The following CYP46A1 variants were observed in gnomAD, a reference collection of about 807,000 sequenced individuals.
CYP46A1 encodes the protein cholesterol 24-hydroxylase.
CYP46A1 carries 20 observed loss-of-function variants against 63.3 expected under a neutral mutation model. The observed-to-expected ratio is 0.32, with a 90% CI of 0.22 to 0.46. The LOEUF is 0.46. Ranked by LOEUF, CYP46A1 falls within the 20% of genes least tolerant of loss-of-function variation. CYP46A1 has a pLI of 1.00. For missense variants in CYP46A1, 445 were observed against 670.8 expected (o/e 0.66, Z 3.72); for synonymous variants, 268 against 273.6 (o/e 0.98, Z 0.20).
At chr14:99,707,481 G>A in intron 6 of CYP46A1, 87 bp from the exon 7 acceptor site, 3 of 1,007,078 alleles carry the variant, frequency 3.0e-6, no homozygotes, top group Non-Finnish European at 4.6e-6. Context: ...CAGAGTCCAG[G>A]TGTCTAGCAG....
In CYP46A1 at chr14:99,715,720, T is replaced by G. The variant is rs569700647; in HGVS notation, c.694-90T>G. The G allele has an allele frequency of 1.7e-5, 26 of 1,562,466 alleles. No individual in the cohort carries two copies. The East Asian group carries it at 5.6e-4, about 34-fold the overall frequency. ...TTCTACTGACCTCCCAGCTTGCCAGTGCCGCTAACGTCATTTCGGGGTGGT... is the reference window on the plus strand; with the variant it reads ...TTCTACTGACCTCCCAGCTTGCCAGGGCCGCTAACGTCATTTCGGGGTGGT... On this transcript the variant is annotated intron_variant, in intron 7 of 14. Coordinates refer to ENST00000261835, the MANE Select transcript of CYP46A1 (RefSeq NM_006668.2).
chr14:99,694,627 C>A (rs934133114), intron 3 of CYP46A1, among the ~76,000 whole-genome samples: 2 of 151,708 alleles, frequency 1.3e-5, no homozygotes, highest in African/African-American at 4.8e-5. Context: ...AGTCTCCCGA[C>A]TAGCTGGGAT....
intron 1 of CYP46A1, 63 bp from the exon 2 acceptor site, chr14:99,691,017 GT>G (rs2056538691): frequency 1.3e-6 from 2 of 1,502,372 alleles, no homozygotes; most frequent in Non-Finnish European, 1.9e-6. Context: ...ATAAGATCTT[GT>G]GGGGAAGGGA....
chr14:99,688,764 C>T (rs1382433528), intron 1 of CYP46A1, among the ~76,000 whole-genome samples: 1 of 152,182 alleles, frequency 6.6e-6, no homozygotes, highest in African/African-American at 2.4e-5. Flanking sequence ...CTCTGGTTCT[C>T]TCTGCCCCAT....
intron 5 of CYP46A1, among the ~76,000 whole-genome samples, chr14:99,701,393 A>G (rs536805311): frequency 6.6e-6 from 1 of 152,214 alleles, no homozygotes; most frequent in African/African-American, 2.4e-5. Context: ...TTTAGACTGT[A>G]TTTTTACTGT....
chr14:99,713,664 A>AG (rs1391174013), intron 7 of CYP46A1, among the ~76,000 whole-genome samples: 3 of 152,078 alleles, frequency 2.0e-5, no homozygotes, highest in Non-Finnish European at 4.4e-5. Flanking sequence ...AGATCACTTG[A>AG]GGGCAGGAGT....
intron 10 of CYP46A1, among the ~76,000 whole-genome samples, chr14:99,719,065 T>C (rs2056819581): frequency 6.6e-6 from 1 of 152,114 alleles, no homozygotes; most frequent in South Asian, 2.1e-4. Context: ...TATCACAGCA[T>C]TGCCTACCTC....
In CYP46A1 at chr14:99,725,658, A is replaced by C. The variant is rs1463709186; in HGVS notation, c.1265+179A>C. On this transcript the variant is annotated intron_variant, in intron 13 of 14. Coordinates refer to ENST00000261835, the MANE Select transcript of CYP46A1 (RefSeq NM_006668.2). This position sits in a 1 kb window ranked among gnomAD's most constrained non-coding sequence, Gnocchi z 4.2. ...AAGTAACTTGCCCAAGTGGCAGAGCAGGGGTCTGGCCCCAGCTCAGTCTGG... is the reference window on the plus strand; with the variant it reads ...AAGTAACTTGCCCAAGTGGCAGAGCCGGGGTCTGGCCCCAGCTCAGTCTGG... Among the ~76,000 whole-genome samples, 5 of 152,196 alleles carry C rather than the reference A, an allele frequency of 3.3e-5. No individual in the cohort carries two copies. The highest frequency in any genetic ancestry group is 1.2e-4 in the African/African-American group (5 of 41,464).
At position 99,691,843 on chromosome 14, in the gene CYP46A1, G is replaced by A. The variant is rs1470996250; in HGVS notation, c.264G>A (p.Thr88=). The part of the protein sequence containing the change: ...NVFHKTSVIV[T]SPESVKKFLM... Reference sequence around the variant, plus strand: ...TCCACAAAACCTCAGTCATCGTCACGAGTCCTGAGTCGGTTAAGGTAGGAG... The same window carrying A: ...TCCACAAAACCTCAGTCATCGTCACAAGTCCTGAGTCGGTTAAGGTAGGAG... The change falls in exon 3 of 15, where the codon ACG becomes ACA. Residue 88 remains threonine, a synonymous_variant. Transcript: ENST00000261835. 40 of 1,614,080 alleles carry A rather than the reference G, an allele frequency of 2.5e-5. No individual in the cohort carries two copies. The highest frequency in any genetic ancestry group is 3.3e-5 in the Non-Finnish European group (39 of 1,180,044).
At chr14:99,684,579 TG>T (rs2140107602) in intron 1 of CYP46A1, 43 bp downstream of exon 1, 5 of 1,389,052 alleles carry the variant, frequency 3.6e-6, no homozygotes, top group Middle Eastern at 2.6e-4. Flanking sequence ...GTGCTGGGAC[TG>T]GGGGCCTGGG....
rs1246762185 is a variant in CYP46A1 at position 99,699,528 on chromosome 14, G to T, written c.345G>T (p.Val115=). The T allele has an allele frequency of 6.2e-7, 1 of 1,614,044 alleles. No individual in the cohort carries two copies. The highest frequency in any genetic ancestry group is 1.3e-5 in the African/African-American group (1 of 74,912). The stretch of plus-strand genomic sequence containing the variant: ...AGATGTACCGTGCGCTCCAGACTGT[G>T]TTTGGTGAGAGGTAAGGAGGTATGG... The part of the protein sequence containing the change: ...DSKMYRALQT[V]FGERLFGQGL... The change falls in exon 4 of 15, where the codon GTG becomes GTT. Residue 115 remains valine (V), a synonymous_variant. Coordinates refer to ENST00000261835, the MANE Select transcript of CYP46A1 (RefSeq NM_006668.2).
rs1222841621 is a variant in CYP46A1 at position 99,716,208 on chromosome 14, C to A, written c.907+9C>A. 1 of 1,614,180 alleles carries A rather than the reference C, an allele frequency of 6.2e-7. No individual in the cohort carries two copies. The highest frequency in any genetic ancestry group is 8.5e-7 in the Non-Finnish European group (1 of 1,179,986). On this transcript the variant is annotated intron_variant, in intron 9 of 14. Coordinates refer to ENST00000261835, the MANE Select transcript of CYP46A1 (RefSeq NM_006668.2). ...CACCTTCTTCATTGCTGGTTTGTAG[C>A]TTTGGCGGTGGCCAAGGGCCCGGAG...
intron 1 of CYP46A1, among the ~76,000 whole-genome samples, chr14:99,685,166 C>T (rs1318099075): frequency 6.7e-6 from 1 of 148,572 alleles, no homozygotes; most frequent in African/African-American, 2.5e-5. Flanking sequence ...CTTCCCATCA[C>T]TTGACAACTA....
chr14:99,695,359 C>A, intron 3 of CYP46A1: 1 of 356,316 alleles, frequency 2.8e-6, no homozygotes, highest in Non-Finnish European at 5.6e-6. Context: ...TTTCTGTCTA[C>A]TTGTTCTAGT....
At chr14:99,687,484 A>G (rs60935292) in intron 1 of CYP46A1, among the ~76,000 whole-genome samples, 3,303 of 152,184 alleles carry the variant, frequency 0.022, 107 homozygotes, top group African/African-American at 0.075. Flanking sequence ...GGTGCATCTG[A>G]TGAGCTTTGG....
chr14:99,705,208 TTC>T (rs1344770497), intron 5 of CYP46A1, among the ~76,000 whole-genome samples: 1 of 152,168 alleles, frequency 6.6e-6, no homozygotes, highest in African/African-American at 2.4e-5. Flanking sequence ...TCTTCTCCCA[TTC>T]TCTCTCTCTT....
At chr14:99,701,938 C>T (rs1186728026) in intron 5 of CYP46A1, among the ~76,000 whole-genome samples, 6 of 151,932 alleles carry the variant, frequency 3.9e-5, no homozygotes, top group Non-Finnish European at 7.4e-5. Flanking sequence ...GGTGTGGTGG[C>T]GCATACCTGT....
chr14:99,707,699 C>T, intron 7 of CYP46A1, 21 bp downstream of exon 7: 1 of 1,608,300 alleles, frequency 6.2e-7, no homozygotes, highest in Non-Finnish European at 8.5e-7. Flanking sequence ...AGCACCCCCT[C>T]TGGTGACCAG....
chr14:99,685,317 G>GCCCC (rs34816218), intron 1 of CYP46A1, among the ~76,000 whole-genome samples: 12 of 42,894 alleles, frequency 2.8e-4, no homozygotes, highest in African/African-American at 1.1e-3. Flanking sequence ...CCCTCCCCCC[G>GCCCC]CCCCCCCCGC....
Sources: gnomAD v4.1 joint callset for allele counts (sites outside exome capture counted in the v4.1 genomes callset) on GRCh38, gnomAD v4.1.1 for gene constraint, Gnocchi (gnomAD v3.1) non-coding constraint, MANE v1.5 for transcripts, NCBI Gene and HGNC (gene_info 2026-07-23, HGNC 2026-07-21) for gene names.